The following ADAMTS19 variants were observed in gnomAD, a reference collection of about 807,000 sequenced individuals.
ADAMTS19 encodes the protein ADAM metallopeptidase with thrombospondin type 1 motif 19.
ADAMTS19 carries 93 observed loss-of-function variants against 153.3 expected under a neutral mutation model. The observed-to-expected ratio is 0.61, with a 90% CI of 0.51 to 0.72. The LOEUF is 0.72. ADAMTS19 is among the 30% of genes least tolerant of loss of function. The pLI, the probability that ADAMTS19 is intolerant of heterozygous loss-of-function variation, is 0.00. For missense variants in ADAMTS19, 1,482 were observed against 1,552.1 expected, an observed-to-expected ratio of 0.95 and a Z score of 0.76; for synonymous variants, 600 against 556.6, an observed-to-expected ratio of 1.08 and a Z score of -1.10.
chr5:129,511,425 G>A (rs1212990354), intron 3 of ADAMTS19, among the ~76,000 whole-genome samples: 1 of 151,662 alleles, frequency 6.6e-6, no homozygotes, highest in Non-Finnish European at 1.5e-5. Context: ...CTCCAGCCTA[G>A]GTAATCTTGA....
chr5:129,661,136 G>A (rs1231692279), intron 15 of ADAMTS19, among the ~76,000 whole-genome samples: 1 of 151,950 alleles, frequency 6.6e-6, no homozygotes, highest in Non-Finnish European at 1.5e-5. Context: ...GACTATTTTA[G>A]TGATGTTTAC....
intron 7 of ADAMTS19, among the ~76,000 whole-genome samples, chr5:129,564,750 G>A (rs140806926): frequency 6.6e-5 from 10 of 152,064 alleles, no homozygotes; most frequent in East Asian, 1.9e-4. Flanking sequence ...GAAAGGGGTC[G>A]GGAAAATTGG....
At position 129,665,430 on chromosome 5, in the gene ADAMTS19, G is replaced by T. The variant is rs919458965; in HGVS notation, c.2426-69G>T. ...ACCAAAACCAAAAGGAAAACAAAAG[G>T]CAAGTCAATGAAGAAAAGAGATTTT... On this transcript the variant is annotated intron_variant, in intron 15 of 22. Transcript: ENST00000274487. The T allele has an allele frequency of 1.1e-5, 15 of 1,317,960 alleles. No individual in the cohort carries two copies. In the African/African-American group the frequency reaches 1.9e-4, roughly 17 times the overall value. 81.6% of individuals were successfully genotyped at this position (1,317,960 alleles called of 1,614,324 possible).
chr5:129,737,079 T>A lies in ADAMTS19; in HGVS notation c.3503T>A (p.Phe1168Tyr). The change falls in exon 23 of 23, where the codon TTC becomes TAC. Residue 1168 changes from phenylalanine to tyrosine, a missense_variant. This residue lies in a region of ADAMTS19 where 616 missense variants were observed against 724.4 expected (regional missense o/e 0.85). Transcript: ENST00000274487. ...ITSPRLAALT[F>Y]KCLGDQWPVY... ...TTCTGTTTCACAGCTGCTCTGACTT[T>A]CAAGTGCCTGGGAGATCAGTGGCCA... 6.3e-7 allele frequency: 1 copy of A among 1,591,536 alleles called. No individual in the cohort carries two copies.
chr5:129,702,516 T>A (rs186984161), intron 20 of ADAMTS19, among the ~76,000 whole-genome samples: 156 of 152,260 alleles, frequency 1.0e-3, no homozygotes, highest in South Asian at 3.3e-3. Flanking sequence ...ATAATACAGT[T>A]TCTAAATGTC....
intron 2 of ADAMTS19, among the ~76,000 whole-genome samples, chr5:129,507,483 T>G (rs949932349): frequency 6.6e-6 from 1 of 152,046 alleles, no homozygotes; most frequent in Non-Finnish European, 1.5e-5. Context: ...CAAGCTAGTT[T>G]CAGACTGAGA....
intron 8 of ADAMTS19, among the ~76,000 whole-genome samples, chr5:129,596,892 A>C (rs1232865839): frequency 6.6e-6 from 1 of 152,160 alleles, no homozygotes; most frequent in East Asian, 1.9e-4. Context: ...AATCCCTATC[A>C]AGACAGTCAT....
intron 21 of ADAMTS19, among the ~76,000 whole-genome samples, chr5:129,721,243 G>C (rs950318590): frequency 6.6e-6 from 1 of 152,138 alleles, no homozygotes; most frequent in Non-Finnish European, 1.5e-5. Context: ...AGATGATCTT[G>C]ATAAAAATAT....
At chr5:129,693,636 AG>A (rs1207302879) in intron 18 of ADAMTS19, among the ~76,000 whole-genome samples, 1 of 152,224 alleles carries the variant, frequency 6.6e-6, no homozygotes, top group Non-Finnish European at 1.5e-5. Flanking sequence ...TTCAAAGAGA[AG>A]CAGAAATTAG....
At chr5:129,710,932 C>T (rs1368548632) in intron 21 of ADAMTS19, among the ~76,000 whole-genome samples, 2 of 152,016 alleles carry the variant, frequency 1.3e-5, no homozygotes, top group Non-Finnish European at 2.9e-5. Flanking sequence ...ATTACCAGAA[C>T]CAAAAATTTT....
chr5:129,732,975 A>G (rs1256016800), intron 21 of ADAMTS19, among the ~76,000 whole-genome samples: 1 of 152,134 alleles, frequency 6.6e-6, no homozygotes, highest in African/African-American at 2.4e-5. Flanking sequence ...GATCAAGGGA[A>G]CAGACAAAAG....
Position 129,709,330 on chromosome 5 carries a change from GA to G in ADAMTS19, c.3312+4947del, listed in dbSNP as rs201906172. Among the ~76,000 whole-genome samples, 1,509 of 151,510 alleles carry G rather than the reference GA, an allele frequency of 1.0e-2. 22 individuals carry two copies. Among genetic ancestry groups the G allele is most frequent in the African/African-American group, 0.034 (1,400 of 41,398 alleles). On this transcript the variant is annotated intron_variant, in intron 21 of 22. Transcript: ENST00000274487. ...TTTCTATGGGAACAATGCTTTGGCTGAAAAAAAATATATTGACTACTTAGTA... is the reference window on the plus strand; with the variant it reads ...TTTCTATGGGAACAATGCTTTGGCTGAAAAAAATATATTGACTACTTAGTA...
intron 2 of ADAMTS19, among the ~76,000 whole-genome samples, chr5:129,489,893 C>T (rs1224667262): frequency 6.6e-6 from 1 of 152,094 alleles, no homozygotes; most frequent in Non-Finnish European, 1.5e-5. Context: ...ATCCTGTAAA[C>T]ATATTTGTTA....
chr5:129,720,118 T>C (rs1581260437), intron 21 of ADAMTS19, among the ~76,000 whole-genome samples: 2 of 150,338 alleles, frequency 1.3e-5, no homozygotes, highest in Middle Eastern at 3.5e-3. Context: ...TTCTAACATA[T>C]ACTTTAATTT....
At chr5:129,494,918 A>T (rs967314888) in intron 2 of ADAMTS19, among the ~76,000 whole-genome samples, 2 of 152,122 alleles carry the variant, frequency 1.3e-5, no homozygotes, top group East Asian at 3.9e-4. Context: ...TTGGCAAAGC[A>T]TATGTAGTGA....
In ADAMTS19 at chr5:129,597,594, T is replaced by A. The variant is rs534335818; in HGVS notation, c.1478+930T>A. On this transcript the variant is annotated intron_variant, in intron 8 of 22. Transcript: ENST00000274487. ...CAAATTACATAAAGCTGTGATCATA[T>A]TTTTAGGAAGTTTATTAAAGTAGAA... 2.8e-4 allele frequency among the ~76,000 whole-genome samples: 43 copies of A among 152,168 alleles called. No individual in the cohort carries two copies. In the South Asian group the frequency reaches 4.8e-3, roughly 17 times the overall value.
At chr5:129,692,533 T>A (rs1314431497) in intron 18 of ADAMTS19, among the ~76,000 whole-genome samples, 2 of 152,168 alleles carry the variant, frequency 1.3e-5, no homozygotes, top group Non-Finnish European at 2.9e-5. Flanking sequence ...CCTCTGCAAG[T>A]TAGCATTAGG....
chr5:129,586,840 G>A (rs900666214), intron 7 of ADAMTS19, among the ~76,000 whole-genome samples: 1 of 152,064 alleles, frequency 6.6e-6, no homozygotes, highest in Non-Finnish European at 1.5e-5. Context: ...TTGAATTTGG[G>A]CCTTGCTGAG....
intron 7 of ADAMTS19, among the ~76,000 whole-genome samples, chr5:129,569,840 G>T (rs556448308): frequency 6.6e-6 from 1 of 152,024 alleles, no homozygotes; most frequent in Non-Finnish European, 1.5e-5. Context: ...AATGTATAGG[G>T]TTAAATGTTC....
Sources: gnomAD v4.1 joint callset for allele counts (sites outside exome capture counted in the v4.1 genomes callset) on GRCh38, gnomAD v4.1.1 for gene constraint, gnomAD v4.1.1 regional missense constraint, MANE v1.5 for transcripts, NCBI Gene and HGNC (gene_info 2026-07-23, HGNC 2026-07-21) for gene names.